Variants in ME3 observed in about 807,000 individuals in gnomAD.
ME3 encodes the protein NADP-dependent malic enzyme, mitochondrial.
Under a neutral mutation model 68.9 loss-of-function variants are expected in ME3, and 48 were observed. The ratio of observed to expected loss-of-function variants is 0.70; its 90% CI spans 0.55 to 0.89. ME3 has a LOEUF of 0.89. Ranked by LOEUF, ME3 falls within the 40% of genes least tolerant of loss-of-function variation. The pLI is 0.00. For missense variants in ME3, 675 were observed against 797.4 expected (o/e 0.85, Z 1.85); for synonymous variants, 320 against 318.8 (o/e 1.00, Z -0.04).
At position 86,525,706 on chromosome 11, in the gene ME3, C is replaced by T. The variant is rs374239159; in HGVS notation, c.468-16839G>A. ...GGTGAACCCCATCTCTACTAAAATA[C>T]AAAAATTAGCCGTGTGTGGTGGCAG... On this transcript the variant is annotated intron_variant, in intron 4 of 14. Transcript: ENST00000543262. 1.1e-3 allele frequency among the ~76,000 whole-genome samples: 171 copies of T among 152,004 alleles called. 1 individual carries two copies. The South Asian group carries it at 0.034, about 30-fold the overall frequency.
At chr11:86,471,141 C>CTTTTTTTTTTTTTTTTTT (rs1163128094) in intron 7 of ME3, among the ~76,000 whole-genome samples, 4 of 75,042 alleles carry the variant, frequency 5.3e-5, no homozygotes, top group African/African-American at 1.9e-4. Flanking sequence ...AGGCCCAGAG[C>CTTTTTTTTTTTTTTTTTT]TTTTTTTTTT....
intron 3 of ME3, among the ~76,000 whole-genome samples, chr11:86,558,014 G>A (rs904731448): frequency 6.6e-6 from 1 of 152,088 alleles, no homozygotes. Flanking sequence ...AGGGACTCCT[G>A]GAAATAAGCG....
chr11:86,629,572 G>T (rs1208746756), intron 2 of ME3, among the ~76,000 whole-genome samples: 1 of 152,050 alleles, frequency 6.6e-6, no homozygotes, highest in Non-Finnish European at 1.5e-5. Flanking sequence ...AAAACTACTT[G>T]AAGTTTTACT....
intron 4 of ME3, among the ~76,000 whole-genome samples, chr11:86,524,177 C>G (rs542860118): frequency 1.3e-5 from 2 of 152,282 alleles, no homozygotes; most frequent in East Asian, 3.9e-4. Flanking sequence ...TCTAGAAGGC[C>G]TCTAGTGAAT....
intron 10 of ME3, among the ~76,000 whole-genome samples, chr11:86,448,824 G>A (rs528576102): frequency 6.6e-6 from 1 of 152,320 alleles, no homozygotes; most frequent in Admixed American, 6.5e-5. Flanking sequence ...GCTGGTAAAT[G>A]GGTTCAGATG....
At chr11:86,623,501 G>A (rs924920885) in intron 2 of ME3, among the ~76,000 whole-genome samples, 1 of 136,078 alleles carries the variant, frequency 7.3e-6, no homozygotes, top group Non-Finnish European at 1.6e-5. Context: ...TGTTGGTTTT[G>A]TTTCTTTGGA....
chr11:86,629,370 T>TAA (rs11392522), intron 2 of ME3, among the ~76,000 whole-genome samples: 1 of 151,934 alleles, frequency 6.6e-6, no homozygotes, highest in African/African-American at 2.4e-5. Context: ...GCCCTTAACT[T>TAA]AAAAAACCCG....
At chr11:86,559,716 G>A (rs201213257) in exon 3 of ME3, 8 of 1,613,790 alleles carry the variant, frequency 5.0e-6, no homozygotes, top group South Asian at 3.3e-5. Flanking sequence ...GCTGCCGCTC[G>A]TAATATCTCA....
chr11:86,671,909 A>T, exon 2 of ME3: 1 of 1,449,888 alleles, frequency 6.9e-7, no homozygotes, highest in South Asian at 1.5e-5. Flanking sequence ...CCGGCCAGGG[A>T]GCCAGCCGCG....
At chr11:86,627,318 CA>C (rs1261564535) in intron 2 of ME3, among the ~76,000 whole-genome samples, 1 of 152,132 alleles carries the variant, frequency 6.6e-6, no homozygotes, top group African/African-American at 2.4e-5. Flanking sequence ...AGATGCTTAA[CA>C]AATCTCAATT....
intron 2 of ME3, among the ~76,000 whole-genome samples, chr11:86,670,210 C>T (rs773137005): frequency 6.6e-6 from 1 of 152,134 alleles, no homozygotes; most frequent in Non-Finnish European, 1.5e-5. Flanking sequence ...TTTCTCTTCC[C>T]CAAGAGCTAC....
intron 6 of ME3, among the ~76,000 whole-genome samples, chr11:86,492,694 A>T (rs916749544): frequency 2.6e-5 from 4 of 152,232 alleles, no homozygotes; most frequent in African/African-American, 9.6e-5. Context: ...TGTGGGAGTT[A>T]GAGGGTTGAA....
chr11:86,487,172 G>T (rs543867255), intron 7 of ME3, among the ~76,000 whole-genome samples, 165 bp downstream of exon 7: 68 of 152,082 alleles, frequency 4.5e-4, no homozygotes, highest in Non-Finnish European at 8.8e-4. Context: ...AGCCCATTTG[G>T]TGTCCAGTCT....
chr11:86,515,750 C>T (rs1255953163), intron 4 of ME3, among the ~76,000 whole-genome samples: 2 of 152,138 alleles, frequency 1.3e-5, no homozygotes, highest in Admixed American at 1.3e-4. Flanking sequence ...AAGGAGCTCT[C>T]TGTATTCCAC....
Position 86,488,438 on chromosome 11 carries a change from ATGTGCCTCACAT to A in ME3, c.706-1010_706-999del, listed in dbSNP as rs1342008778. Among the ~76,000 whole-genome samples, 25 of 151,898 alleles carry A rather than the reference ATGTGCCTCACAT, an allele frequency of 1.6e-4. 1 individual carries two copies. The East Asian group carries it at 3.9e-3, about 24-fold the overall frequency. On this transcript the variant is annotated intron_variant, in intron 6 of 14. Transcript: ENST00000543262. ...CTTGAAATCTTACTGAATACCTACCATGTGCCTCACATTGTGCTGGGCCCTGGGGATACAAGC... is the reference window on the plus strand; with the variant it reads ...CTTGAAATCTTACTGAATACCTACCATGTGCTGGGCCCTGGGGATACAAGC...
At chr11:86,578,458 A>G (rs1458114091) in intron 2 of ME3, among the ~76,000 whole-genome samples, 1 of 152,158 alleles carries the variant, frequency 6.6e-6, no homozygotes, top group East Asian at 1.9e-4. Flanking sequence ...GGCACTGTAC[A>G]TGCATTCCTG....
intron 2 of ME3, among the ~76,000 whole-genome samples, chr11:86,600,521 C>A (rs1240930380): frequency 6.7e-6 from 1 of 149,694 alleles, no homozygotes; most frequent in Non-Finnish European, 1.5e-5. Context: ...TAACACCCCA[C>A]TGTCAACATT....
chr11:86,618,165 T>A (rs1038171995), intron 2 of ME3, among the ~76,000 whole-genome samples: 9 of 151,766 alleles, frequency 5.9e-5, no homozygotes, highest in Admixed American at 5.9e-4. Context: ...CTGGGCATGG[T>A]GGCACGCACC....
At chr11:86,609,618 T>A (rs1942415281) in intron 2 of ME3, among the ~76,000 whole-genome samples, 2 of 152,112 alleles carry the variant, frequency 1.3e-5, no homozygotes. Flanking sequence ...AGTATACTAG[T>A]CAGAAGTGAG....
Sources: gnomAD v4.1 joint callset for allele counts (sites outside exome capture counted in the v4.1 genomes callset) on GRCh38, gnomAD v4.1.1 for gene constraint, MANE v1.5 for transcripts, NCBI Gene and HGNC (gene_info 2026-07-23, HGNC 2026-07-21) for gene names.